Variants in TSPAN18 observed in about 807,000 individuals in gnomAD.
TSPAN18 encodes the protein tetraspanin-18.
A neutral mutation model predicts 27.3 loss-of-function variants in TSPAN18; 14 were observed. The observed-to-expected ratio is 0.51, with a 90% confidence interval of 0.34 to 0.80. The LOEUF is 0.80. Ranked by LOEUF, TSPAN18 falls within the 30% of genes least tolerant of loss-of-function variation. The probability of loss-of-function intolerance (pLI) is 0.01; values close to 1 mark genes in which losing one functional copy is unlikely to be tolerated. For synonymous variants in TSPAN18, 143 were observed against 136.5 expected, an observed-to-expected ratio of 1.05 and a Z score of -0.33; for missense variants, 268 against 323.9, an observed-to-expected ratio of 0.83 and a Z score of 1.32.
intron 8 of TSPAN18, among the ~76,000 whole-genome samples, chr11:44,920,903 T>C (rs1305980817): frequency 6.6e-6 from 1 of 152,196 alleles, no homozygotes; most frequent in Non-Finnish European, 1.5e-5. Context: ...TTTCACATGG[T>C]CATGATTGCT....
intron 1 of TSPAN18, chr11:44,736,125 T>G (rs1267123292): frequency 6.6e-6 from 1 of 152,222 alleles, no homozygotes; most frequent in Non-Finnish European, 1.5e-5. Flanking sequence ...GGTAAATTAC[T>G]CTCTATACAT....
intron 1 of TSPAN18, among the ~76,000 whole-genome samples, chr11:44,731,061 C>T (rs898236928): frequency 6.6e-6 from 1 of 152,180 alleles, no homozygotes; most frequent in Non-Finnish European, 1.5e-5. Flanking sequence ...AGACTGCTGG[C>T]TTAATTAGTG....
intron 2 of TSPAN18, among the ~76,000 whole-genome samples, chr11:44,833,424 A>G (rs1018733903): frequency 1.3e-5 from 2 of 150,946 alleles, no homozygotes; most frequent in African/African-American, 2.4e-5. Context: ...CCTTGTTTGC[A>G]AGAGCTTTAC....
At chr11:44,908,769 G>GAAAGAAAGAAAGAAAGAAAGAAAGAA (rs1554938043) in intron 4 of TSPAN18, among the ~76,000 whole-genome samples, 9 of 71,690 alleles carry the variant, frequency 1.3e-4, no homozygotes, top group African/African-American at 4.0e-4. Flanking sequence ...AGAGAGAAAG[G>GAAAGAAAGAAAGAAAGAAAGAAAGAA]AGAAAGAAAG....
intron 2 of TSPAN18, among the ~76,000 whole-genome samples, chr11:44,850,120 G>A (rs1857566239): frequency 6.6e-6 from 1 of 152,180 alleles, no homozygotes; most frequent in Admixed American, 6.5e-5. Context: ...CTCCAGAAAT[G>A]AGAAACACAG....
At chr11:44,843,549 C>T (rs1205252395) in intron 2 of TSPAN18, among the ~76,000 whole-genome samples, 5 of 152,152 alleles carry the variant, frequency 3.3e-5, no homozygotes, top group South Asian at 4.1e-4. Flanking sequence ...TGAGATCAAC[C>T]GGTCTGACCA....
At chr11:44,742,315 T>C (rs1378361917) in intron 1 of TSPAN18, among the ~76,000 whole-genome samples, 25 of 139,726 alleles carry the variant, frequency 1.8e-4, no homozygotes, top group Non-Finnish European at 2.8e-4. Flanking sequence ...CTCCCTTTTT[T>C]CCTTTCTTCC....
At chr11:44,849,214 C>T (rs969078758) in intron 2 of TSPAN18, among the ~76,000 whole-genome samples, 3 of 152,062 alleles carry the variant, frequency 2.0e-5, no homozygotes, top group African/African-American at 4.8e-5. Context: ...TCCTGTTGGG[C>T]GTTGAGTCCC....
At chr11:44,888,614 G>A (rs996675744) in intron 3 of TSPAN18, among the ~76,000 whole-genome samples, 4 of 152,170 alleles carry the variant, frequency 2.6e-5, no homozygotes, top group African/African-American at 9.7e-5. Flanking sequence ...GCATTTGGAG[G>A]TTGCCTGGTG....
In TSPAN18 at chr11:44,751,236, C is replaced by T. The variant is rs1017392862; in HGVS notation, c.-239-13190C>T. Among the ~76,000 whole-genome samples, 6 of 152,292 alleles carry T rather than the reference C, an allele frequency of 3.9e-5. No homozygotes were observed. In the East Asian group the frequency reaches 1.2e-3, roughly 29 times the overall value. On this transcript the variant is annotated intron_variant, in intron 1 of 9. Coordinates refer to ENST00000520358, the MANE Select transcript of TSPAN18 (RefSeq NM_130783.5). ...GGCGAGGCTCGTGCTTGGCTCCCTG[C>T]ACACTTTGTGTTCTGGGAGTGGGTG...
At chr11:44,879,695 T>C (rs1018781624) in intron 3 of TSPAN18, among the ~76,000 whole-genome samples, 5 of 152,138 alleles carry the variant, frequency 3.3e-5, no homozygotes, top group African/African-American at 1.2e-4. Flanking sequence ...CAGGGCCAGG[T>C]CACTGAGGGC....
intron 3 of TSPAN18, among the ~76,000 whole-genome samples, chr11:44,900,938 G>A (rs1859241580): frequency 1.3e-5 from 2 of 151,886 alleles, no homozygotes; most frequent in Non-Finnish European, 2.9e-5. Context: ...CAGGTGATCT[G>A]CCCGCCTCAG....
At chr11:44,897,953 CCT>C in intron 3 of TSPAN18, 1 of 985,946 alleles carries the variant, frequency 1.0e-6, no homozygotes, top group South Asian at 1.3e-5. Flanking sequence ...TCGGTCTTTC[CCT>C]CTCTTTCTGA....
intron 3 of TSPAN18, among the ~76,000 whole-genome samples, chr11:44,884,295 C>T (rs568743312): frequency 6.6e-5 from 10 of 152,318 alleles, no homozygotes; most frequent in African/African-American, 2.2e-4. Flanking sequence ...AGCAGGCAGG[C>T]GGACCGAAGC....
chr11:44,785,924 G>A (rs928640691), intron 2 of TSPAN18, among the ~76,000 whole-genome samples: 4 of 152,226 alleles, frequency 2.6e-5, no homozygotes, highest in Admixed American at 1.3e-4. Context: ...GTGTGACCCA[G>A]GGCAAGTCAC....
In TSPAN18 at chr11:44,929,457, C is replaced by A; in HGVS notation, c.*279C>A. The A allele has an allele frequency of 2.2e-6, 1 of 463,286 alleles. No individual in the cohort carries two copies. The highest frequency in any genetic ancestry group is 3.8e-6 in the Non-Finnish European group (1 of 260,944). The allele number at this position is 463,286 out of a possible 1,614,324, so 28.7% of individuals were successfully genotyped here. A position where few individuals can be genotyped will look rare whatever the true frequency, so the allele number is the denominator to read the frequency against. On this transcript the variant is annotated 3_prime_UTR_variant, in exon 10 of 10. Coordinates refer to ENST00000520358, the MANE Select transcript of TSPAN18 (RefSeq NM_130783.5). ...CCAGGATGCAGGCTGCTCTAGAGAC[C>A]AAAGGAACACCAGGCCCAGCGCCCT... is the stretch of plus-strand genomic sequence containing the variant.
intron 2 of TSPAN18, among the ~76,000 whole-genome samples, chr11:44,814,691 CA>C (rs1348697718): frequency 1.3e-5 from 2 of 152,042 alleles, no homozygotes; most frequent in African/African-American, 4.8e-5. Flanking sequence ...TCCATCCACC[CA>C]CCCACCCACT....
At chr11:44,735,558 G>A (rs36048918) in intron 1 of TSPAN18, among the ~76,000 whole-genome samples, 97,636 of 151,420 alleles carry the variant, frequency 0.64, 35,604 homozygotes, top group Non-Finnish European at 0.84. Context: ...CTGTGTGTCT[G>A]CCTCTCCTCT....
chr11:44,861,968 C>G (rs1857902939), intron 3 of TSPAN18, among the ~76,000 whole-genome samples: 1 of 152,176 alleles, frequency 6.6e-6, no homozygotes, highest in Non-Finnish European at 1.5e-5. Flanking sequence ...CAGCGCCTGG[C>G]TGCCTTGAGT....
Sources: gnomAD v4.1 joint callset for allele counts (sites outside exome capture counted in the v4.1 genomes callset) on GRCh38, gnomAD v4.1.1 for gene constraint, MANE v1.5 for transcripts, NCBI Gene and HGNC (gene_info 2026-07-23, HGNC 2026-07-21) for gene names.